DACH2: variants seen among roughly 807,000 people sequenced by gnomAD.
DACH2 encodes dachshund family transcription factor 2.
Under a neutral mutation model 35.8 loss-of-function variants are expected in DACH2, and 17 were observed. The observed-to-expected ratio is 0.48, with a 90% CI of 0.33 to 0.71. The LOEUF (loss-of-function observed/expected upper bound fraction) is 0.71. Among genes scored for constraint, DACH2 ranks in the 30% least tolerant of loss-of-function variants. DACH2 has a pLI of 0.02. For missense variants in DACH2, 469 were observed against 472.7 expected (o/e 0.99, Z 0.07); for synonymous variants, 195 against 177.3 (o/e 1.10, Z -0.79).
intron 1 of DACH2, among the ~76,000 whole-genome samples, chrX:86,251,379 T>C (rs1328198227): frequency 1.8e-5 from 2 of 110,826 alleles, no homozygotes; most frequent in Admixed American, 1.9e-4. Context: ...GAACAGGTGG[T>C]ATTTGGTTAC....
intron 1 of DACH2, among the ~76,000 whole-genome samples, chrX:86,287,707 T>G (rs1205315572): frequency 8.9e-6 from 1 of 112,289 alleles, no homozygotes; most frequent in Non-Finnish European, 1.9e-5. Flanking sequence ...CCAATTACAT[T>G]TTTTAGCTCC....
intron 1 of DACH2, among the ~76,000 whole-genome samples, chrX:86,246,411 TAG>T (rs2033285042): frequency 9.0e-6 from 1 of 110,873 alleles, no homozygotes; most frequent in Non-Finnish European, 1.9e-5. Context: ...TAAAGACAGC[TAG>T]AGAGAAGGGG....
chrX:86,606,328 G>A (rs1189562828), intron 3 of DACH2, among the ~76,000 whole-genome samples: 2 of 108,103 alleles, frequency 1.9e-5, no homozygotes, highest in Non-Finnish European at 3.8e-5. Context: ...ACTTATAGCT[G>A]TAAACTTCCC....
chrX:86,701,395 GC>G (rs1467410520), intron 5 of DACH2, among the ~76,000 whole-genome samples: 1 of 111,370 alleles, frequency 9.0e-6, no homozygotes, highest in East Asian at 2.8e-4. Flanking sequence ...CAAACCCACA[GC>G]CAACATCACA....
At chrX:86,751,746 G>A (rs1232791447) in intron 7 of DACH2, among the ~76,000 whole-genome samples, 1 of 111,385 alleles carries the variant, frequency 9.0e-6, no homozygotes, top group Non-Finnish European at 1.9e-5. Flanking sequence ...AAGAAAGTAT[G>A]CACAGGATTG....
At chrX:86,574,461 A>C (rs1356241430) in intron 3 of DACH2, among the ~76,000 whole-genome samples, 5 of 111,257 alleles carry the variant, frequency 4.5e-5, no homozygotes. Context: ...AAGTTCACCT[A>C]TAAATATCCT....
At position 86,148,545 on chromosome X, in the gene DACH2, G is replaced by A. The variant is rs1415122309; in HGVS notation, c.-76G>A. 1 of 1,054,515 alleles carries A rather than the reference G, an allele frequency of 9.5e-7. No homozygotes were observed. The highest frequency in any genetic ancestry group is 3.3e-5 in the East Asian group (1 of 30,021). The allele number at this position is 1,054,515 out of a possible 1,213,427, so 86.9% of individuals were successfully genotyped here. A position where few individuals can be genotyped will look rare whatever the true frequency, so the allele number is the denominator to read the frequency against. The stretch of plus-strand genomic sequence containing the variant: ...CGCCAGAGAGAGCGAGAGTGAGGGA[G>A]TGAGTGCGAGGGGATCTAGAGGAGT... On this transcript the variant is annotated 5_prime_UTR_variant, in exon 1 of 12. In the 5' UTR this introduces an upstream ATG that the reference lacks. Coordinates refer to ENST00000373125, the MANE Select transcript of DACH2 (RefSeq NM_053281.3).
intron 1 of DACH2, among the ~76,000 whole-genome samples, chrX:86,283,078 C>A (rs755742663): frequency 5.0e-5 from 1 of 19,863 alleles, no homozygotes; most frequent in African/African-American, 6.3e-4. Context: ...GCGCCCGGCC[C>A]GACACTTCTT....
chrX:86,151,168 T>C lies in DACH2; in HGVS notation c.488+2060T>C, dbSNP rs377601165. ...AAAAAAAATCCAGAGGCAGGTGATC[T>C]TGTAATATTTTTGGACCCTGTTATA... On this transcript the variant is annotated intron_variant, in intron 1 of 11. Transcript: ENST00000373125. Among the ~76,000 whole-genome samples, 4 of 111,739 alleles carry C rather than the reference T, an allele frequency of 3.6e-5. No individual in the cohort carries two copies. The East Asian group carries it at 1.1e-3, about 31-fold the overall frequency.
At chrX:86,184,745 T>G (rs1420761260) in intron 1 of DACH2, among the ~76,000 whole-genome samples, 1 of 111,959 alleles carries the variant, frequency 8.9e-6, no homozygotes, top group Admixed American at 9.5e-5. Flanking sequence ...CTGATTCAGT[T>G]ACACCATCGA....
chrX:86,634,723 T>C (rs921489532), intron 3 of DACH2, among the ~76,000 whole-genome samples: 1 of 111,422 alleles, frequency 9.0e-6, no homozygotes, highest in Non-Finnish European at 1.9e-5. Context: ...TAGGAATATA[T>C]TTAACCAAGA....
At chrX:86,434,548 C>T (rs1313820482) in intron 2 of DACH2, among the ~76,000 whole-genome samples, 1 of 111,543 alleles carries the variant, frequency 9.0e-6, no homozygotes, top group Non-Finnish European at 1.9e-5. Context: ...ATTATTTAAA[C>T]TCATTTTGCA....
intron 1 of DACH2, among the ~76,000 whole-genome samples, chrX:86,210,621 AT>A (rs2032423469): frequency 8.9e-6 from 1 of 111,763 alleles, no homozygotes; most frequent in African/African-American, 3.2e-5. Context: ...GTTTTTGCTG[AT>A]TTTTAGTTAA....
intron 2 of DACH2, among the ~76,000 whole-genome samples, chrX:86,474,638 C>A (rs1415604020): frequency 1.8e-5 from 2 of 112,121 alleles, no homozygotes; most frequent in African/African-American, 6.5e-5. Flanking sequence ...TATGTTCTTG[C>A]CATCTTTGTT....
Position 86,484,312 on chromosome X carries a change from T to C in DACH2, c.528-29967T>C, listed in dbSNP as rs2037987705. 1.8e-5 allele frequency among the ~76,000 whole-genome samples: 2 copies of C among 111,925 alleles called. 1 individual carries two copies. The highest frequency in any genetic ancestry group is 7.4e-4 in the South Asian group (2 of 2,714). Reference sequence around the variant, plus strand: ...CTAAGCGTGCTTGGGGCTCTGCAGATGTGCAAAGAAATACCATATGGAAGT... The same window carrying C: ...CTAAGCGTGCTTGGGGCTCTGCAGACGTGCAAAGAAATACCATATGGAAGT... On this transcript the variant is annotated intron_variant, in intron 2 of 11. Transcript: ENST00000373125.
At chrX:86,326,510 CACATAT>C (rs773311711) in intron 1 of DACH2, among the ~76,000 whole-genome samples, 7 of 90,983 alleles carry the variant, frequency 7.7e-5, no homozygotes, top group Admixed American at 2.5e-4. Flanking sequence ...CACACACACA[CACATAT>C]ATATATATAT....
At chrX:86,288,383 C>G (rs892971684) in intron 1 of DACH2, among the ~76,000 whole-genome samples, 6 of 111,830 alleles carry the variant, frequency 5.4e-5, no homozygotes, top group Non-Finnish European at 7.5e-5. Context: ...TGTAACCCCT[C>G]CCTGGTTACT....
At chrX:86,276,264 T>C (rs1183695377) in intron 1 of DACH2, among the ~76,000 whole-genome samples, 1 of 112,295 alleles carries the variant, frequency 8.9e-6, no homozygotes, top group Non-Finnish European at 1.9e-5. Context: ...AGTTTTGATT[T>C]GCATTTGTCT....
chrX:86,594,074 G>T (rs1195453449), intron 3 of DACH2, among the ~76,000 whole-genome samples: 1 of 111,028 alleles, frequency 9.0e-6, no homozygotes, highest in African/African-American at 3.3e-5. Flanking sequence ...GTGAATTTTG[G>T]TAATTGACTC....
Sources: allele counts gnomAD v4.1 joint callset (sites outside exome capture counted in the v4.1 genomes callset), GRCh38; gene constraint gnomAD v4.1.1; transcripts MANE v1.5; gene names NCBI Gene and HGNC (gene_info 2026-07-23, HGNC 2026-07-21).